Variants in FRRS1L observed in about 807,000 individuals in gnomAD.
FRRS1L encodes the protein DOMON domain-containing protein FRRS1L.
A neutral mutation model predicts 28.6 loss-of-function variants in FRRS1L; 22 were observed. The ratio of observed to expected loss-of-function variants is 0.77; its 90% CI spans 0.55 to 1.10. The LOEUF is 1.10. Among genes scored for constraint, FRRS1L ranks in the 50% least tolerant of loss-of-function variants. The pLI is 0.00. For synonymous variants in FRRS1L, 158 were observed against 151.4 expected (o/e 1.04, Z -0.32); for missense variants, 380 against 386.9 (o/e 0.98, Z 0.15).
chr9:109,161,772 C>T (rs1157668510), intron 1 of FRRS1L, among the ~76,000 whole-genome samples: 2 of 152,200 alleles, frequency 1.3e-5, no homozygotes, highest in African/African-American at 2.4e-5. Flanking sequence ...TTTTAATTGT[C>T]TGGCCACACC....
intron 2 of FRRS1L, 131 bp downstream of exon 2, chr9:109,149,505 T>C: frequency 1.6e-6 from 1 of 623,792 alleles, no homozygotes; most frequent in Non-Finnish European, 2.8e-6. Flanking sequence ...GTTACGAAAC[T>C]TCATAACCCT....
At chr9:109,147,376 T>G in intron 2 of FRRS1L, 187 bp from the exon 3 acceptor site, 2 of 568,542 alleles carry the variant, frequency 3.5e-6, no homozygotes, top group Non-Finnish European at 6.2e-6. Flanking sequence ...TGCCCCACTT[T>G]GTACACAAGA....
intron 1 of FRRS1L, among the ~76,000 whole-genome samples, chr9:109,162,593 AC>A (rs1357369690): frequency 6.6e-6 from 1 of 152,210 alleles, no homozygotes; most frequent in Admixed American, 6.5e-5. Context: ...TGGACAAGGT[AC>A]CCTAAAGCGG....
chr9:109,137,497 C>G lies in FRRS1L; in HGVS notation c.840G>C (p.Leu280=). ...ATAGGTAGAAGGTCAGAGCAACAAT[C>G]AGAAGCAAACAAAATGGAGATGAGA... ...QTFSSPFCLL[L]IVALTFYLLM... is the part of the protein sequence containing the mutation. The change falls in exon 5 of 5, where the codon CTG becomes CTC. Residue 280 remains leucine (L), a synonymous_variant. Coordinates refer to ENST00000561981, the MANE Select transcript of FRRS1L (RefSeq NM_014334.4). The G allele has an allele frequency of 6.2e-7, 1 of 1,612,794 alleles. No homozygotes were observed. The highest frequency in any genetic ancestry group is 8.5e-7 in the Non-Finnish European group (1 of 1,179,260).
Position 109,134,690 on chromosome 9 carries a change from T to G in FRRS1L, c.*2765A>C, listed in dbSNP as rs1388704076. The G allele has an allele frequency of 6.6e-6, 1 of 152,214 alleles. No homozygotes were observed. Among genetic ancestry groups the G allele is most frequent in the African/African-American group, 2.4e-5 (1 of 41,450 alleles). 9.4% of individuals were successfully genotyped at this position (152,214 alleles called of 1,614,324 possible). ...AATGAGAAATCACTAGTGAAATAAT[T>G]AGCTTGATTAGAAATGTAAGCGGAA... On this transcript the variant is annotated 3_prime_UTR_variant, in exon 5 of 5. Coordinates refer to ENST00000561981, the MANE Select transcript of FRRS1L (RefSeq NM_014334.4).
intron 2 of FRRS1L, among the ~76,000 whole-genome samples, chr9:109,149,149 A>C (rs373441320): frequency 2.0e-5 from 3 of 152,352 alleles, no homozygotes; most frequent in Admixed American, 6.5e-5. Context: ...ATGTCGTGAT[A>C]CTACTAATAA....
At chr9:109,147,258 ATGTAT>A in intron 2 of FRRS1L, 69 bp from the exon 3 acceptor site, 6 of 1,280,110 alleles carry the variant, frequency 4.7e-6, no homozygotes, top group African/African-American at 2.9e-5. Context: ...AGCATCTACC[ATGTAT>A]CATGTGGGAT....
At chr9:109,137,949 G>A (rs1831135656) in intron 4 of FRRS1L, 1 of 140,988 alleles carries the variant, frequency 7.1e-6, no homozygotes, top group East Asian at 2.0e-4. Context: ...ATTATTGTAT[G>A]ATTGCCTCCT....
At chr9:109,164,674 T>G (rs7858658) in intron 1 of FRRS1L, among the ~76,000 whole-genome samples, 151,155 of 151,936 alleles carry the variant, frequency 0.99, 75,188 homozygotes, top group Middle Eastern at 1. Flanking sequence ...GGGATTACAG[T>G]CGTGAAGCAC....
Position 109,158,361 on chromosome 9 carries a change from C to T in FRRS1L, c.238+8540G>A, listed in dbSNP as rs181965508. Among the ~76,000 whole-genome samples, 24 of 152,232 alleles carry T rather than the reference C, an allele frequency of 1.6e-4. 1 individual carries two copies. Among genetic ancestry groups the T allele is most frequent in the African/African-American group, 5.8e-4 (24 of 41,560 alleles). ...GCTCTAATTCACATACCGTAAAATTCACCTTTTTCAAGTATACAGATCAGT... is the reference window on the plus strand; with the variant it reads ...GCTCTAATTCACATACCGTAAAATTTACCTTTTTCAAGTATACAGATCAGT... On this transcript the variant is annotated intron_variant, in intron 1 of 4. Transcript: ENST00000561981.
intron 3 of FRRS1L, among the ~76,000 whole-genome samples, chr9:109,142,247 T>C (rs1008304828): frequency 8.5e-5 from 13 of 152,184 alleles, no homozygotes; most frequent in African/African-American, 3.1e-4. Flanking sequence ...GCTATTTAAA[T>C]GCCAAAATTC....
chr9:109,157,385 T>C (rs981968102), intron 1 of FRRS1L, among the ~76,000 whole-genome samples: 4 of 152,148 alleles, frequency 2.6e-5, no homozygotes, highest in African/African-American at 9.7e-5. Context: ...ACTATCTATA[T>C]ATTTTATTTT....
intron 1 of FRRS1L, among the ~76,000 whole-genome samples, chr9:109,160,849 A>T (rs1564235905): frequency 2.1e-5 from 3 of 142,522 alleles, no homozygotes; most frequent in African/African-American, 7.9e-5. Context: ...CTGGAGTGCA[A>T]TGGCATGATC....
At chr9:109,146,139 A>G (rs2118480016) in intron 3 of FRRS1L, among the ~76,000 whole-genome samples, 1 of 151,384 alleles carries the variant, frequency 6.6e-6, no homozygotes, top group East Asian at 2.0e-4. Context: ...GCAGGCTGCA[A>G]TGAGCCAAGG....
intron 2 of FRRS1L, chr9:109,147,771 C>T (rs59904140): frequency 0.24 from 37,073 of 152,542 alleles, 4,849 homozygotes; most frequent in Admixed American, 0.3. Context: ...TGCTTATGTG[C>T]ATGTGGTATC....
chr9:109,143,476 A>G (rs73520967), intron 3 of FRRS1L, among the ~76,000 whole-genome samples: 5,302 of 151,086 alleles, frequency 0.035, 326 homozygotes, highest in African/African-American at 0.12. Flanking sequence ...TAAAACGTAA[A>G]GTCTAATTAA....
chr9:109,149,622 G>C lies in FRRS1L; in HGVS notation c.323+14C>G. 6.4e-7 allele frequency: 1 copy of C among 1,569,078 alleles called. No homozygotes were observed. The highest frequency in any genetic ancestry group is 1.1e-5 in the South Asian group (1 of 90,014). ...TCTTAGCCTTAAAGTTATCCAACCT[G>C]CAGTTCCACCAACCTAAAGCATCCC... On this transcript the variant is annotated intron_variant, in intron 2 of 4. Transcript: ENST00000561981.
intron 1 of FRRS1L, among the ~76,000 whole-genome samples, chr9:109,165,645 G>A (rs1481828861): frequency 6.6e-6 from 1 of 152,122 alleles, no homozygotes; most frequent in Non-Finnish European, 1.5e-5. Flanking sequence ...TTTTTGAACT[G>A]GGCATATTAT....
rs1831566986 is a variant in FRRS1L at position 109,167,182 on chromosome 9, G to GGGGTGCCGCGGGCGC, written c.-45_-44insGCGCCCGCGGCACCC. On this transcript the variant is annotated 5_prime_UTR_variant, in exon 1 of 5. Coordinates refer to ENST00000561981, the MANE Select transcript of FRRS1L (RefSeq NM_014334.4). Reference sequence around the variant, plus strand: ...CAGCCAGGCCGCTCGGGCCGCAGCGGGGGCGCCGCGGGCGCGGGCCGGGAC... The same window carrying GGGGTGCCGCGGGCGC: ...CAGCCAGGCCGCTCGGGCCGCAGCGGGGGTGCCGCGGGCGCGGGCGCCGCGGGCGCGGGCCGGGAC... 8.6e-7 allele frequency: 1 copy of GGGGTGCCGCGGGCGC among 1,159,396 alleles called. No individual in the cohort carries two copies. The highest frequency in any genetic ancestry group is 4.2e-5 in the South Asian group (1 of 23,800). The allele number at this position is 1,159,396 out of a possible 1,614,324, so 71.8% of individuals were successfully genotyped here. A position where few individuals can be genotyped will look rare whatever the true frequency, so the allele number is the denominator to read the frequency against.
Sources: allele counts gnomAD v4.1 joint callset (sites outside exome capture counted in the v4.1 genomes callset), GRCh38; gene constraint gnomAD v4.1.1; transcripts MANE v1.5; gene names NCBI Gene and HGNC (gene_info 2026-07-23, HGNC 2026-07-21).